ZNF182: variants seen among roughly 807,000 people sequenced by gnomAD.
ZNF182 encodes zinc finger protein 21 (KOX 14).
A neutral mutation model predicts 28.1 loss-of-function variants in ZNF182; 10 were observed. The ratio of observed to expected loss-of-function variants is 0.36; its 90% CI spans 0.22 to 0.60. The LOEUF is 0.60. Among genes scored for constraint, ZNF182 ranks in the 20% least tolerant of loss-of-function variants. The pLI is 0.75. For missense variants in ZNF182, 352 were observed against 453.2 expected, an observed-to-expected ratio of 0.78 and a Z score of 2.03; for synonymous variants, 156 against 158.7, an observed-to-expected ratio of 0.98 and a Z score of 0.13.
chrX:47,999,712 T>C (rs1264760763), intron 3 of ZNF182, among the ~76,000 whole-genome samples: 1 of 112,708 alleles, frequency 8.9e-6, no homozygotes, highest in Non-Finnish European at 1.9e-5. Flanking sequence ...TTTTTGAATG[T>C]TCTCAATACT....
chrX:48,002,837 C>G (rs1430559971), intron 2 of ZNF182, among the ~76,000 whole-genome samples, 184 bp from the exon 3 acceptor site: 1 of 112,225 alleles, frequency 8.9e-6, no homozygotes, highest in African/African-American at 3.2e-5. Flanking sequence ...ACATTGAACA[C>G]AAAAGGTTTT....
Position 47,975,486 on chromosome X carries a change from G to T in ZNF182, c.*681C>A, listed in dbSNP as rs781805199. On this transcript the variant is annotated 3_prime_UTR_variant, in exon 6 of 6. Transcript: ENST00000376943. ...TTTGCTGGAGGTTCATGTGGGAAAA[G>T]AAACCAGGGCCACATTCTAAGCAGA... is the stretch of plus-strand genomic sequence containing the variant. 9.1e-6 allele frequency: 1 copy of T among 109,925 alleles called. No homozygotes were observed. The highest frequency in any genetic ancestry group is 2.9e-4 in the East Asian group (1 of 3,505). The allele number at this position is 109,925 out of a possible 1,213,427, so 9.1% of individuals were successfully genotyped here.
At chrX:47,983,585 A>C (rs1332444425) in intron 3 of ZNF182, among the ~76,000 whole-genome samples, 174 bp from the exon 4 acceptor site, 1 of 111,929 alleles carries the variant, frequency 8.9e-6, no homozygotes, top group Non-Finnish European at 1.9e-5. Flanking sequence ...ATGGTTAAAA[A>C]AAAACTAAGT....
rs17147817 is a variant in ZNF182, at chrX:47,979,819, T to C, written c.233-2022A>G. On this transcript the variant is annotated intron_variant, in intron 5 of 5. Coordinates refer to ENST00000376943, the MANE Select transcript of ZNF182 (RefSeq NM_001007088.2). ...AAACTGGGTGATGCTGGAGGTTATT[T>C]TGAGCCATAGGAGAGGGAAGCTGAA... Among the ~76,000 whole-genome samples, 436 of 109,920 alleles carry C rather than the reference T, an allele frequency of 4.0e-3. 4 individuals carry two copies. Among genetic ancestry groups the C allele is most frequent in the African/African-American group, 0.013 (395 of 30,275 alleles).
At chrX:47,998,741 C>G (rs1036680228) in intron 3 of ZNF182, among the ~76,000 whole-genome samples, 1 of 110,314 alleles carries the variant, frequency 9.1e-6, no homozygotes, top group African/African-American at 3.3e-5. Flanking sequence ...CGCCTGTAAT[C>G]CCAATTACTC....
intron 3 of ZNF182, among the ~76,000 whole-genome samples, chrX:47,994,971 G>C (rs1008900432): frequency 3.1e-4 from 34 of 108,551 alleles, no homozygotes; most frequent in African/African-American, 1.0e-3. Context: ...ATTTTTTTTA[G>C]ATTCCTGAGT....
chrX:47,977,146 C>G lies in ZNF182; in HGVS notation c.884G>C (p.Gly295Ala). 1 of 1,209,554 alleles carries G rather than the reference C, an allele frequency of 8.3e-7. No homozygotes were observed. The highest frequency in any genetic ancestry group is 1.1e-6 in the Non-Finnish European group (1 of 894,765). The change falls in exon 6 of 6, where the codon GGA becomes GCA. Residue 295 changes from glycine to alanine, a missense_variant. By Grantham distance (60) the Gly-to-Ala change is moderately conservative (BLOSUM62 0). Transcript: ENST00000376943. ...TVIIHYRTHT[G>A]EKPYECNECG... ...TTCATTACATTCATAAGGTTTTTCT[C>G]CTGTGTGAGTCCTGTAATGTATGAT...
At chrX:48,003,287 T>G (rs2058985164) in intron 2 of ZNF182, among the ~76,000 whole-genome samples, 1 of 112,622 alleles carries the variant, frequency 8.9e-6, no homozygotes, top group Admixed American at 9.4e-5. Flanking sequence ...GAAGAATTAG[T>G]TCCTGTTGAT....
chrX:47,999,666 A>G (rs2058971973), intron 3 of ZNF182, among the ~76,000 whole-genome samples: 1 of 111,812 alleles, frequency 8.9e-6, no homozygotes, highest in South Asian at 3.7e-4. Context: ...ACCATAATTA[A>G]CAACAATTTA....
At chrX:47,981,836 G>A (rs1556899135) in intron 5 of ZNF182, among the ~76,000 whole-genome samples, 1 of 107,640 alleles carries the variant, frequency 9.3e-6, no homozygotes, top group Non-Finnish European at 1.9e-5. Flanking sequence ...GGAGGCAGAA[G>A]TTGCAGTGAG....
chrX:48,002,994 A>G lies in ZNF182; in HGVS notation c.-44-341T>C, dbSNP rs527784185. 1.1e-4 allele frequency among the ~76,000 whole-genome samples: 12 copies of G among 112,162 alleles called. No homozygotes were observed. In the South Asian group the frequency reaches 4.4e-3, roughly 41 times the overall value. On this transcript the variant is annotated intron_variant, in intron 2 of 5. Coordinates refer to ENST00000376943, the MANE Select transcript of ZNF182 (RefSeq NM_001007088.2). ...ATTTCAATAATGCCAAACTTAAACG[A>G]TCCTCTATGACCCATAAGGGATTAA...
intron 3 of ZNF182, among the ~76,000 whole-genome samples, chrX:47,996,231 G>C (rs782488939): frequency 9.0e-6 from 1 of 110,723 alleles, no homozygotes; most frequent in Admixed American, 9.6e-5. Context: ...AAGGGGAGAG[G>C]GAAAAGGGAC....
At chrX:47,997,340 T>C (rs1174122487) in intron 3 of ZNF182, among the ~76,000 whole-genome samples, 5 of 103,867 alleles carry the variant, frequency 4.8e-5, no homozygotes, top group Non-Finnish European at 9.8e-5. Context: ...AAACACAACA[T>C]ACTTCAAATA....
intron 3 of ZNF182, among the ~76,000 whole-genome samples, chrX:47,994,251 T>C (rs1556900776): frequency 8.9e-6 from 1 of 112,370 alleles, no homozygotes; most frequent in Non-Finnish European, 1.9e-5. Context: ...AGTAGCATAA[T>C]ATTTTTCAGG....
chrX:47,993,053 A>C (rs1192728950), intron 3 of ZNF182, among the ~76,000 whole-genome samples: 1 of 113,194 alleles, frequency 8.8e-6, no homozygotes, highest in African/African-American at 3.2e-5. Flanking sequence ...GCACATTATT[A>C]GAAGGTTAGA....
chrX:47,977,186 C>G lies in ZNF182; in HGVS notation c.844G>C (p.Glu282Gln). 3 of 1,207,501 alleles carry G rather than the reference C, an allele frequency of 2.5e-6. No individual in the cohort carries two copies. The highest frequency in any genetic ancestry group is 3.4e-6 in the Non-Finnish European group (3 of 893,841). The change falls in exon 6 of 6, where the codon GAA becomes CAA. Residue 282 changes from glutamate (E) to glutamine (Q), a missense_variant. Glu to Gln is a conservative substitution (Grantham distance 29). Coordinates refer to ENST00000376943, the MANE Select transcript of ZNF182 (RefSeq NM_001007088.2). The stretch of plus-strand genomic sequence containing the variant: ...TAATGTATGATGACAGTTGACTTTT[C>G]TCTGAAGGCTTTTCCACATTCAGGA... ...ECPECGKAFR[E>Q]KSTVIIHYRT...
rs1556898554 is a variant in ZNF182 at position 47,977,780 on chromosome X, C to T, written c.250G>A (p.Glu84Lys). ...TCCTGATGTTGCCTCTCAATCTGTT[C>T]ATCAACTTGACAGACTTCTAGAAAG... is the stretch of plus-strand genomic sequence containing the variant. ...WNFPEVCQVD[E>K]QIERQHQDDQ... is the part of the protein sequence containing the mutation. Residue 84 changes from glutamate to lysine, a missense_variant, in exon 6 of 6, where the codon GAA becomes AAA. Coordinates refer to ENST00000376943, the MANE Select transcript of ZNF182 (RefSeq NM_001007088.2). The T allele has an allele frequency of 8.5e-7, 1 of 1,178,118 alleles. No homozygotes were observed. The highest frequency in any genetic ancestry group is 2.0e-5 in the South Asian group (1 of 50,949).
chrX:47,980,393 G>A (rs2058901407), intron 5 of ZNF182, among the ~76,000 whole-genome samples: 1 of 111,341 alleles, frequency 9.0e-6, no homozygotes, highest in Non-Finnish European at 1.9e-5. Flanking sequence ...GCACAGCAGG[G>A]TGTCTATAGT....
chrX:47,992,128 C>A (rs1466053050), intron 3 of ZNF182, among the ~76,000 whole-genome samples: 3 of 111,714 alleles, frequency 2.7e-5, no homozygotes, highest in Non-Finnish European at 5.6e-5. Context: ...AAAATTGGCT[C>A]TCTCACCCAA....
Sources: gnomAD v4.1 joint callset for allele counts (sites outside exome capture counted in the v4.1 genomes callset) on GRCh38, gnomAD v4.1.1 for gene constraint, MANE v1.5 for transcripts, NCBI Gene and HGNC (gene_info 2026-07-23, HGNC 2026-07-21) for gene names.